Variants in MRC1 observed in about 807,000 individuals in gnomAD.
MRC1 encodes macrophage mannose receptor 1.
In MRC1, 62 loss-of-function variants were observed where a neutral mutation model predicts 102.9. The ratio of observed to expected loss-of-function variants is 0.60; its 90% CI spans 0.49 to 0.74. The LOEUF is 0.74. Ranked by LOEUF, MRC1 falls within the 30% of genes least tolerant of loss-of-function variation. The probability of loss-of-function intolerance (pLI) is 0.00; values close to 1 mark genes in which losing one functional copy is unlikely to be tolerated. For synonymous variants in MRC1, 457 were observed against 298.4 expected (o/e 1.53, Z -5.48); for missense variants, 1,237 against 862.8 (o/e 1.43, Z -5.43).
intron 22 of MRC1, among the ~76,000 whole-genome samples, chr10:17,888,025 C>G (rs1049682231): frequency 1.6e-4 from 24 of 152,050 alleles, no homozygotes; most frequent in Non-Finnish European, 3.1e-4. Context: ...AGACTGGTCT[C>G]GAACTCCTGA....
intron 9 of MRC1, among the ~76,000 whole-genome samples, chr10:17,858,050 A>G (rs1833121450): frequency 6.6e-6 from 1 of 152,190 alleles, no homozygotes; most frequent in Admixed American, 6.5e-5. Flanking sequence ...TCATATGGGG[A>G]AAATTTATAG....
chr10:17,910,710 A>G lies in MRC1; in HGVS notation c.*245A>G. 1.9e-6 allele frequency: 1 copy of G among 532,764 alleles called. No individual in the cohort carries two copies. Among genetic ancestry groups the G allele is most frequent in the African/African-American group, 1.9e-5 (1 of 52,482 alleles). The allele number at this position is 532,764 out of a possible 1,614,324, so 33.0% of individuals were successfully genotyped here. ...ATTTTAGATAAATGCACAGCACCACAGCACCACATCTAAGCATTAGTGATG... is the reference window on the plus strand; with the variant it reads ...ATTTTAGATAAATGCACAGCACCACGGCACCACATCTAAGCATTAGTGATG... On this transcript the variant is annotated 3_prime_UTR_variant, in exon 30 of 30. Coordinates refer to ENST00000569591, the MANE Select transcript of MRC1 (RefSeq NM_002438.4).
rs1833487439 is a variant in MRC1, at chr10:17,879,735, G to A, written c.2633G>A (p.Ser878Asn). The change falls in exon 19 of 30, where the codon AGC becomes AAC. Residue 878 changes from serine (S) to asparagine (N), a missense_variant. Transcript: ENST00000569591. ...TTCTTTTCCAGTTGGATGGATGGAA[G>A]CAAAGTGGATTACGTGTCTTGGGCC... ...LDKKFAWMDGSKVDYVSWATG... is the reference protein window; with the variant it reads ...LDKKFAWMDGNKVDYVSWATG... 1 of 780,750 alleles carries A rather than the reference G, an allele frequency of 1.3e-6. No individual in the cohort carries two copies. 48.4% of individuals were successfully genotyped at this position (780,750 alleles called of 1,614,324 possible). A position where few individuals can be genotyped will look rare whatever the true frequency, so the allele number is the denominator to read the frequency against.
chr10:17,830,557 C>G (rs1419410927), intron 3 of MRC1, among the ~76,000 whole-genome samples: 1 of 151,392 alleles, frequency 6.6e-6, no homozygotes, highest in African/African-American at 2.5e-5. Context: ...TATTGTAATG[C>G]TTTCCTTCCA....
intron 2 of MRC1, among the ~76,000 whole-genome samples, chr10:17,827,266 C>CA (rs1165483725): frequency 6.7e-6 from 1 of 149,564 alleles, no homozygotes. Flanking sequence ...GAAAATGTCC[C>CA]AAAACGCAGT....
At chr10:17,855,007 C>G (rs1833061728) in intron 8 of MRC1, among the ~76,000 whole-genome samples, 1 of 151,960 alleles carries the variant, frequency 6.6e-6, no homozygotes, top group Admixed American at 6.5e-5. Context: ...ACATTTTTTT[C>G]AAGATGTTTA....
intron 6 of MRC1, 29 bp downstream of exon 6, chr10:17,845,464 T>C (rs1320762426): frequency 3.3e-5 from 26 of 780,358 alleles, no homozygotes; most frequent in Admixed American, 2.2e-4. Flanking sequence ...CTGAAGTGCC[T>C]CAACTATTAG....
intron 24 of MRC1, 144 bp downstream of exon 24, chr10:17,898,410 C>A: frequency 1.4e-6 from 1 of 734,550 alleles, no homozygotes; most frequent in Non-Finnish European, 2.5e-6. Flanking sequence ...TCAACAAGAT[C>A]CAATCTTTCA....
In MRC1 at chr10:17,845,434, A is replaced by G; in HGVS notation, c.1062A>G (p.Ser354=). 1.3e-6 allele frequency: 1 copy of G among 780,872 alleles called. No homozygotes were observed. Among genetic ancestry groups the G allele is most frequent in the Non-Finnish European group, 2.4e-6 (1 of 417,952 alleles). The allele number at this position is 780,872 out of a possible 1,614,324, so 48.4% of individuals were successfully genotyped here. Residue 354 remains serine, a splice_region_variant and synonymous_variant, in exon 6 of 30, where the codon TCA becomes TCG. Transcript: ENST00000569591. The stretch of plus-strand genomic sequence containing the variant: ...CTTTAAATTCTTTTGTTATTCCCTC[A>G]GGTAAGTGATCTATGGGATCTGAAG... ...NTTLNSFVIP[S]ESDVPTHCPS... is the part of the protein sequence containing the mutation.
intron 6 of MRC1, 76 bp from the exon 7 acceptor site, chr10:17,849,503 T>C (rs1838879354): frequency 2.7e-6 from 2 of 734,048 alleles, no homozygotes; most frequent in Admixed American, 1.9e-5. Flanking sequence ...ATGTATTATA[T>C]AAAATGATTA....
At chr10:17,829,772 CA>C (rs1170070917) in intron 3 of MRC1, among the ~76,000 whole-genome samples, 4 of 151,298 alleles carry the variant, frequency 2.6e-5, no homozygotes, top group African/African-American at 9.8e-5. Context: ...TTGAAATTGA[CA>C]AAGGAGTTAG....
At chr10:17,838,771 C>T (rs1004239420) in intron 4 of MRC1, among the ~76,000 whole-genome samples, 14 of 152,076 alleles carry the variant, frequency 9.2e-5, no homozygotes, top group African/African-American at 2.9e-4. Context: ...TTCAGGAGTT[C>T]GAGATCAGCC....
At chr10:17,864,460 TTA>T (rs199764396) in intron 11 of MRC1, among the ~76,000 whole-genome samples, 6,123 of 152,238 alleles carry the variant, frequency 0.04, 379 homozygotes, top group African/African-American at 0.13. Context: ...GCTACCATGT[TTA>T]GTCTTTTATT....
chr10:17,816,269 C>T (rs993484011), intron 1 of MRC1, among the ~76,000 whole-genome samples: 1 of 152,144 alleles, frequency 6.6e-6, no homozygotes, highest in Non-Finnish European at 1.5e-5. Flanking sequence ...TTTGGATTCC[C>T]CAAGAAGCTG....
chr10:17,888,048 C>T (rs941187002), intron 22 of MRC1, among the ~76,000 whole-genome samples: 4 of 152,162 alleles, frequency 2.6e-5, no homozygotes, highest in Non-Finnish European at 5.9e-5. Context: ...TCGTGATACA[C>T]CTGCCTTGGC....
At chr10:17,861,535 T>G in intron 10 of MRC1, 33 bp downstream of exon 10, 1 of 846,686 alleles carries the variant, frequency 1.2e-6, no homozygotes, top group Non-Finnish European at 2.1e-6. Flanking sequence ...TTTTAAAATA[T>G]GTCAAATAGA....
chr10:17,835,365 C>T (rs1838647124), intron 4 of MRC1, among the ~76,000 whole-genome samples: 1 of 152,152 alleles, frequency 6.6e-6, no homozygotes, highest in African/African-American at 2.4e-5. Context: ...ATCTTGTACC[C>T]ATGTGCCAGG....
intron 19 of MRC1, 57 bp downstream of exon 19, chr10:17,879,878 T>G: frequency 1.3e-6 from 1 of 780,502 alleles, no homozygotes; most frequent in Non-Finnish European, 2.4e-6. Context: ...ATTTGCCACA[T>G]CCCTAGACTA....
At chr10:17,840,643 T>C in intron 4 of MRC1, 50 bp from the exon 5 acceptor site, 1 of 777,538 alleles carries the variant, frequency 1.3e-6, no homozygotes, top group Non-Finnish European at 2.4e-6. Context: ...TCAACTGTTT[T>C]CTGAATGCCA....
Sources: allele counts gnomAD v4.1 joint callset (sites outside exome capture counted in the v4.1 genomes callset), GRCh38; gene constraint gnomAD v4.1.1; transcripts MANE v1.5; gene names NCBI Gene and HGNC (gene_info 2026-07-23, HGNC 2026-07-21).